Variants in TNFAIP8L3 observed in about 807,000 individuals in gnomAD.
TNFAIP8L3 encodes the protein tumor necrosis factor alpha-induced protein 8-like protein 3.
TNFAIP8L3 carries 7 observed loss-of-function variants against 11.8 expected under a neutral mutation model. The observed-to-expected ratio is 0.59, with a 90% CI of 0.34 to 1.11. The LOEUF is 1.11. Ranked by LOEUF, TNFAIP8L3 falls within the 50% of genes most tolerant of loss-of-function variation. TNFAIP8L3 has a pLI of 0.03. For missense variants in TNFAIP8L3, 219 were observed against 258.6 expected, an observed-to-expected ratio of 0.85 and a Z score of 1.05; for synonymous variants, 98 against 103.8, an observed-to-expected ratio of 0.94 and a Z score of 0.34.
rs1248185184 is a variant in TNFAIP8L3, at chr15:51,093,965, G to C, written c.52+579C>G. On this transcript the variant is annotated intron_variant, in intron 1 of 1. Transcript: ENST00000637513. ...CCCCTGCGTCTGTGTTCGGGGACCA[G>C]TCCGCGGGGACCTTCTGGACCTTCT... is the stretch of plus-strand genomic sequence containing the variant. Among the ~76,000 whole-genome samples, 6 of 152,298 alleles carry C rather than the reference G, an allele frequency of 3.9e-5. No homozygotes were observed. The East Asian group carries it at 1.2e-3, about 30-fold the overall frequency.
At chr15:51,086,747 G>C (rs182403240) in intron 1 of TNFAIP8L3, among the ~76,000 whole-genome samples, 1 of 152,114 alleles carries the variant, frequency 6.6e-6, no homozygotes, top group East Asian at 1.9e-4. Flanking sequence ...ACCCAGTCCC[G>C]AATACATTGT....
intron 1 of TNFAIP8L3, among the ~76,000 whole-genome samples, chr15:51,088,945 G>C (rs1213016737): frequency 2.6e-5 from 4 of 151,880 alleles, no homozygotes; most frequent in African/African-American, 7.3e-5. Flanking sequence ...TGCTTATTTT[G>C]GGGGTGTAAA....
At chr15:51,079,674 A>G (rs561474863) in intron 1 of TNFAIP8L3, among the ~76,000 whole-genome samples, 1 of 152,178 alleles carries the variant, frequency 6.6e-6, no homozygotes, top group African/African-American at 2.4e-5. Flanking sequence ...AAAGTAATAC[A>G]GGGTACAATT....
upstream of TNFAIP8L3, among the ~76,000 whole-genome samples, chr15:51,097,975 C>T (rs2065526073): frequency 6.6e-6 from 1 of 152,114 alleles, no homozygotes; most frequent in Admixed American, 6.6e-5. Context: ...GGTTATAAGC[C>T]ACCTTCCTCA....
Position 51,094,412 on chromosome 15 carries a change from A to G in TNFAIP8L3, c.52+132T>C, listed in dbSNP as rs1005245784. The G allele has an allele frequency of 1.8e-6, 2 of 1,113,820 alleles. No homozygotes were observed. The highest frequency in any genetic ancestry group is 2.3e-6 in the Non-Finnish European group (2 of 871,046). 69.0% of individuals were successfully genotyped at this position (1,113,820 alleles called of 1,614,324 possible). Reference sequence around the variant, plus strand: ...GGGGAAGCCCCAAAGCAAACTCACGACGCGGAGCAATCCCCAGTCTTGGCC... The same window carrying G: ...GGGGAAGCCCCAAAGCAAACTCACGGCGCGGAGCAATCCCCAGTCTTGGCC... On this transcript the variant is annotated intron_variant, in intron 1 of 1. Coordinates refer to ENST00000637513, the MANE Select transcript of TNFAIP8L3 (RefSeq NM_001311175.2). This position sits in a 1 kb window ranked among gnomAD's most constrained non-coding sequence, Gnocchi z 4.4.
chr15:51,071,407 C>A (rs976707525), intron 1 of TNFAIP8L3, among the ~76,000 whole-genome samples: 2 of 152,106 alleles, frequency 1.3e-5, no homozygotes, highest in Non-Finnish European at 2.9e-5. Flanking sequence ...AACTGCACTA[C>A]AGAAGTTGTA....
At chr15:51,086,647 G>C (rs1016694851) in intron 1 of TNFAIP8L3, among the ~76,000 whole-genome samples, 1 of 150,740 alleles carries the variant, frequency 6.6e-6, no homozygotes, top group African/African-American at 2.5e-5. Context: ...TAACCTCTCT[G>C]TGTTTGGTTT....
chr15:51,104,570 C>A (rs143608922), intron 1 of TNFAIP8L3, among the ~76,000 whole-genome samples: 1 of 152,336 alleles, frequency 6.6e-6, no homozygotes, highest in Non-Finnish European at 1.5e-5. Flanking sequence ...CTGCTGCAGC[C>A]TCGTCCCTGA....
chr15:51,071,033 A>T (rs1386089003), intron 1 of TNFAIP8L3, among the ~76,000 whole-genome samples: 1 of 138,332 alleles, frequency 7.2e-6, no homozygotes, highest in African/African-American at 2.7e-5. Context: ...CCTGGGCGAC[A>T]GAGCGAGACT....
At chr15:51,086,871 C>T (rs2065431617) in intron 1 of TNFAIP8L3, among the ~76,000 whole-genome samples, 1 of 151,838 alleles carries the variant, frequency 6.6e-6, no homozygotes, top group African/African-American at 2.4e-5. Context: ...CATCTTATTT[C>T]TCATCTTGTT....
At chr15:51,061,500 C>G (rs888088690) in intron 1 of TNFAIP8L3, among the ~76,000 whole-genome samples, 4 of 151,928 alleles carry the variant, frequency 2.6e-5, no homozygotes, top group South Asian at 4.1e-4. Context: ...TATATAATAC[C>G]CATTATTGTA....
intron 1 of TNFAIP8L3, among the ~76,000 whole-genome samples, chr15:51,089,051 C>T (rs1489150317): frequency 6.6e-6 from 1 of 152,216 alleles, no homozygotes; most frequent in African/African-American, 2.4e-5. Context: ...GCTGTTGGGT[C>T]TACATGGTAG....
In TNFAIP8L3 at chr15:51,056,838, G is replaced by C. The variant is rs1274144592; in HGVS notation, c.*1043C>G. 2 of 151,826 alleles carry C rather than the reference G, an allele frequency of 1.3e-5. No homozygotes were observed. Among genetic ancestry groups the C allele is most frequent in the African/African-American group, 4.8e-5 (2 of 41,306 alleles). 9.4% of individuals were successfully genotyped at this position (151,826 alleles called of 1,614,324 possible). A position where few individuals can be genotyped will look rare whatever the true frequency, so the allele number is the denominator to read the frequency against. The stretch of plus-strand genomic sequence containing the variant: ...CTCTCTCCCCACCCCCCCATGGAAA[G>C]TTTCCCTCTGCAGGATCATCAACCT... On this transcript the variant is annotated 3_prime_UTR_variant, in exon 2 of 2. Transcript: ENST00000637513.
At chr15:51,089,371 G>A (rs1033922496) in intron 1 of TNFAIP8L3, among the ~76,000 whole-genome samples, 1 of 152,164 alleles carries the variant, frequency 6.6e-6, no homozygotes, top group African/African-American at 2.4e-5. Flanking sequence ...GTCCAGCACA[G>A]GAATAACCAT....
intron 1 of TNFAIP8L3, among the ~76,000 whole-genome samples, chr15:51,085,104 G>A (rs533652309): frequency 2.3e-4 from 35 of 152,158 alleles, no homozygotes; most frequent in African/African-American, 7.5e-4. Context: ...CTCTGCCTGC[G>A]TTGTTTGACT....
At chr15:51,088,347 A>G (rs2065444304) in intron 1 of TNFAIP8L3, among the ~76,000 whole-genome samples, 1 of 152,204 alleles carries the variant, frequency 6.6e-6, no homozygotes, top group South Asian at 2.1e-4. Context: ...ATATACACTC[A>G]GTCTTCACCT....
At position 51,094,795 on chromosome 15, in the gene TNFAIP8L3, G is replaced by A. The variant is rs1420773913; in HGVS notation, c.-200C>T. 1.4e-5 allele frequency: 10 copies of A among 731,102 alleles called. No individual in the cohort carries two copies. The East Asian group carries it at 6.6e-4, about 48-fold the overall frequency. The allele number at this position is 731,102 out of a possible 1,614,324, so 45.3% of individuals were successfully genotyped here. ...CCGCCGCGCCCCGCTCCCCGCGCCC[G>A]CCGGCCGGTGCCTGCGCGCGAGGCG... On this transcript the variant is annotated 5_prime_UTR_variant, in exon 1 of 2. Coordinates refer to ENST00000637513, the MANE Select transcript of TNFAIP8L3 (RefSeq NM_001311175.2). The surrounding 1 kb of genome is among the most constrained non-coding windows in gnomAD (Gnocchi z 4.4).
intron 1 of TNFAIP8L3, among the ~76,000 whole-genome samples, chr15:51,103,192 C>A (rs78201885): frequency 0.019 from 2,909 of 152,280 alleles, 108 homozygotes; most frequent in African/African-American, 0.067. Flanking sequence ...AGCTATCAAC[C>A]CTTCTAAAAG....
intron 1 of TNFAIP8L3, among the ~76,000 whole-genome samples, chr15:51,062,832 A>G (rs1276721536): frequency 6.6e-6 from 1 of 152,240 alleles, no homozygotes; most frequent in Non-Finnish European, 1.5e-5. Context: ...AGATATCCAC[A>G]TTCTCATACT....
Sources: gnomAD v4.1 joint callset for allele counts (sites outside exome capture counted in the v4.1 genomes callset) on GRCh38, gnomAD v4.1.1 for gene constraint, Gnocchi (gnomAD v3.1) non-coding constraint, MANE v1.5 for transcripts, NCBI Gene and HGNC (gene_info 2026-07-23, HGNC 2026-07-21) for gene names.